Variants in FBXL7 observed in about 807,000 individuals in gnomAD.
FBXL7 encodes F-box/LRR-repeat protein 7.
FBXL7 carries 12 observed loss-of-function variants against 38.3 expected under a neutral mutation model. The ratio of observed to expected loss-of-function variants is 0.31; its 90% CI spans 0.20 to 0.51. The LOEUF is 0.51. Ranked by LOEUF, FBXL7 falls within the 20% of genes least tolerant of loss-of-function variation. The pLI is 0.98. For missense variants in FBXL7, 567 were observed against 676.4 expected (o/e 0.84, Z 1.79); for synonymous variants, 297 against 300.9 (o/e 0.99, Z 0.13).
intron 2 of FBXL7, among the ~76,000 whole-genome samples, chr5:15,673,298 A>G (rs1742546277): frequency 6.6e-6 from 1 of 152,092 alleles, no homozygotes; most frequent in South Asian, 2.1e-4. Flanking sequence ...CCTGGGTGAC[A>G]AGAGCGAGAC....
At chr5:15,879,282 G>C (rs1297013094) in intron 2 of FBXL7, among the ~76,000 whole-genome samples, 3 of 152,186 alleles carry the variant, frequency 2.0e-5, no homozygotes, top group Admixed American at 6.5e-5. Context: ...GAAGGGAAAA[G>C]AAATCTTCAG....
At chr5:15,886,861 A>T (rs1483197037) in intron 2 of FBXL7, among the ~76,000 whole-genome samples, 1 of 152,180 alleles carries the variant, frequency 6.6e-6, no homozygotes, top group East Asian at 1.9e-4. Flanking sequence ...ACAAGGCAAC[A>T]CCTCTTATCT....
chr5:15,778,535 C>T (rs1330323377), intron 2 of FBXL7, among the ~76,000 whole-genome samples: 2 of 152,094 alleles, frequency 1.3e-5, no homozygotes, highest in African/African-American at 4.8e-5. Flanking sequence ...GATCTTTTCC[C>T]CTAAAAGAAA....
Position 15,777,720 on chromosome 5 carries a change from TAAAA to T in FBXL7, c.128-150147_128-150144del, listed in dbSNP as rs371293320. 9.5e-4 allele frequency among the ~76,000 whole-genome samples: 78 copies of T among 82,524 alleles called. 1 individual carries two copies. Among genetic ancestry groups the T allele is most frequent in the African/African-American group, 3.6e-3 (64 of 17,730 alleles). 54.1% of individuals were successfully genotyped at this position (82,524 alleles called of 152,430 possible). On this transcript the variant is annotated intron_variant, in intron 2 of 3. Transcript: ENST00000504595. ...TATTGTTTGCAAACCCCTATTCTGG[TAAAA>T]AAAAAAAAAAAAAAAAAAAAAAGTA...
intron 2 of FBXL7, among the ~76,000 whole-genome samples, chr5:15,748,650 G>T (rs1054471381): frequency 6.6e-6 from 1 of 152,116 alleles, no homozygotes; most frequent in East Asian, 1.9e-4. Flanking sequence ...ACCCAGTCTC[G>T]AATATGTCTT....
chr5:15,894,395 A>C (rs563375021), intron 2 of FBXL7, among the ~76,000 whole-genome samples: 1 of 152,278 alleles, frequency 6.6e-6, no homozygotes, highest in South Asian at 2.1e-4. Context: ...TCTAATAACA[A>C]AAATCAAAGC....
chr5:15,559,200 G>T (rs974718691), intron 1 of FBXL7, among the ~76,000 whole-genome samples: 1 of 152,162 alleles, frequency 6.6e-6, no homozygotes. Flanking sequence ...AGAGACTGTC[G>T]AGAGGAGACA....
intron 1 of FBXL7, among the ~76,000 whole-genome samples, chr5:15,609,185 C>T (rs748192188): frequency 6.6e-6 from 1 of 152,170 alleles, no homozygotes; most frequent in Non-Finnish European, 1.5e-5. Flanking sequence ...GTGCTACTCA[C>T]TGGGCTGCCC....
chr5:15,865,561 A>C (rs958016494), intron 2 of FBXL7, among the ~76,000 whole-genome samples: 7 of 152,026 alleles, frequency 4.6e-5, no homozygotes, highest in Admixed American at 1.3e-4. Flanking sequence ...AATTGATGAC[A>C]AGCCTCTCAC....
chr5:15,916,903 G>C (rs968779627), intron 2 of FBXL7, among the ~76,000 whole-genome samples: 2 of 152,120 alleles, frequency 1.3e-5, no homozygotes, highest in Non-Finnish European at 2.9e-5. Context: ...TAGCAGGAGG[G>C]CCCAGAATGC....
intron 2 of FBXL7, among the ~76,000 whole-genome samples, chr5:15,855,363 A>T (rs1267390544): frequency 6.6e-6 from 1 of 152,168 alleles, no homozygotes; most frequent in African/African-American, 2.4e-5. Context: ...ATATATATAT[A>T]GAAATAACTC....
intron 1 of FBXL7, among the ~76,000 whole-genome samples, chr5:15,519,721 TAGA>T (rs1227844581): frequency 2.0e-5 from 3 of 152,290 alleles, no homozygotes; most frequent in Admixed American, 6.5e-5. Context: ...TGGACATTCC[TAGA>T]AGGAGGAGAA....
chr5:15,670,219 G>C (rs1344145703), intron 2 of FBXL7, among the ~76,000 whole-genome samples: 4 of 152,190 alleles, frequency 2.6e-5, no homozygotes, highest in Non-Finnish European at 4.4e-5. Flanking sequence ...AGAGCTAAAA[G>C]CTCTTTCTTC....
At chr5:15,825,887 T>G (rs2126768612) in intron 2 of FBXL7, among the ~76,000 whole-genome samples, 1 of 152,276 alleles carries the variant, frequency 6.6e-6, no homozygotes, top group African/African-American at 2.4e-5. Context: ...AACTCAACGG[T>G]TTGATTTGCC....
At chr5:15,682,440 C>T (rs1742871740) in intron 2 of FBXL7, among the ~76,000 whole-genome samples, 1 of 152,102 alleles carries the variant, frequency 6.6e-6, no homozygotes, top group African/African-American at 2.4e-5. Context: ...TTCCACCTAA[C>T]ATAACATCTT....
chr5:15,636,967 GTT>G (rs1741207324), intron 2 of FBXL7, among the ~76,000 whole-genome samples: 1 of 146,172 alleles, frequency 6.8e-6, no homozygotes, highest in Admixed American at 6.9e-5. Context: ...TTTTTTTGTT[GTT>G]TTGTTTTGTG....
intron 1 of FBXL7, among the ~76,000 whole-genome samples, chr5:15,582,740 A>C (rs1270093209): frequency 6.6e-6 from 1 of 152,228 alleles, no homozygotes. Flanking sequence ...TCAATACATG[A>C]TGTGCAATTG....
At chr5:15,757,726 G>C (rs1736334434) in intron 2 of FBXL7, among the ~76,000 whole-genome samples, 2 of 152,036 alleles carry the variant, frequency 1.3e-5, no homozygotes, top group African/African-American at 4.8e-5. Context: ...GAATTTCCAT[G>C]ACCGTTCTTT....
intron 2 of FBXL7, among the ~76,000 whole-genome samples, chr5:15,882,933 A>C (rs1418719396): frequency 6.7e-6 from 1 of 149,778 alleles, no homozygotes; most frequent in Admixed American, 6.8e-5. Context: ...TTATAAATTA[A>C]ATGTATTTTC....
Sources: gnomAD v4.1 joint callset for allele counts (sites outside exome capture counted in the v4.1 genomes callset) on GRCh38, gnomAD v4.1.1 for gene constraint, MANE v1.5 for transcripts, NCBI Gene and HGNC (gene_info 2026-07-23, HGNC 2026-07-21) for gene names.